PDPK1: variants seen among roughly 807,000 people sequenced by gnomAD.
The protein encoded by PDPK1 is 3-phosphoinositide-dependent protein kinase 1.
PDPK1 carries 7 observed loss-of-function variants against 39.8 expected under a neutral mutation model. The ratio of observed to expected loss-of-function variants is 0.18; its 90% CI spans 0.10 to 0.33. The LOEUF (loss-of-function observed/expected upper bound fraction) is 0.33. PDPK1 is among the 10% of genes least tolerant of loss of function. The probability of loss-of-function intolerance (pLI) is 1.00; values close to 1 mark genes in which losing one functional copy is unlikely to be tolerated. For missense variants in PDPK1, 182 were observed against 384.7 expected, an observed-to-expected ratio of 0.47 and a Z score of 4.41; for synonymous variants, 118 against 159.1, an observed-to-expected ratio of 0.74 and a Z score of 1.95.
Position 2,601,327 on chromosome 16 carries a change from C to G in PDPK1, c.*3560C>G, listed in dbSNP as rs1056884547. 3 of 234,466 alleles carry G rather than the reference C, an allele frequency of 1.3e-5. No homozygotes were observed. The highest frequency in any genetic ancestry group is 6.6e-5 in the African/African-American group (3 of 45,318). The allele number at this position is 234,466 out of a possible 1,614,324, so 14.5% of individuals were successfully genotyped here. A position where few individuals can be genotyped will look rare whatever the true frequency, so the allele number is the denominator to read the frequency against. On this transcript the variant is annotated 3_prime_UTR_variant, in exon 14 of 14. Transcript: ENST00000342085. ...AATAAGACCGCTCTTTATTTAAATG[C>G]TAAGAGGATGTCACTACTGCAATCC...
Position 2,602,665 on chromosome 16 carries a change from C to G in PDPK1, c.*4898C>G, listed in dbSNP as rs2067241299. ...TTTAGAGCTGCTGTAGCTGTTCCTT[C>G]ACAACATAAAATAGGATAAATGACT... On this transcript the variant is annotated 3_prime_UTR_variant, in exon 14 of 14. Coordinates refer to ENST00000342085, the MANE Select transcript of PDPK1 (RefSeq NM_002613.5). The G allele has an allele frequency of 4.3e-6, 1 of 234,662 alleles. No homozygotes were observed. Among genetic ancestry groups the G allele is most frequent in the African/African-American group, 2.2e-5 (1 of 45,320 alleles). 14.5% of individuals were successfully genotyped at this position (234,662 alleles called of 1,614,324 possible).
chr16:2,599,465 G>A lies in PDPK1; in HGVS notation c.*1698G>A. On this transcript the variant is annotated 3_prime_UTR_variant, in exon 14 of 14. Transcript: ENST00000342085. ...AGATGTTCCCCAGGCCCTGCCTGTG[G>A]TTCCTGCCTGGGCCTTGGCTGCTGC... The A allele has an allele frequency of 4.3e-6, 1 of 233,256 alleles. No homozygotes were observed. The highest frequency in any genetic ancestry group is 8.5e-6 in the Non-Finnish European group (1 of 118,020). 14.4% of individuals were successfully genotyped at this position (233,256 alleles called of 1,614,324 possible).
At chr16:2,585,720 C>G (rs982744561) in intron 10 of PDPK1, among the ~76,000 whole-genome samples, 3 of 152,228 alleles carry the variant, frequency 2.0e-5, no homozygotes, top group African/African-American at 7.2e-5. Flanking sequence ...TGGCGAGCAC[C>G]TTGCTCCAGC....
chr16:2,588,562 G>T (rs1567165945), intron 11 of PDPK1, among the ~76,000 whole-genome samples: 1 of 152,206 alleles, frequency 6.6e-6, no homozygotes, highest in Non-Finnish European at 1.5e-5. Context: ...GGGCCTTGGG[G>T]TCCGTCTGGG....
At position 2,599,325 on chromosome 16, in the gene PDPK1, C is replaced by A; in HGVS notation, c.*1558C>A. The A allele has an allele frequency of 4.3e-6, 1 of 233,284 alleles. No homozygotes were observed. The highest frequency in any genetic ancestry group is 8.5e-6 in the Non-Finnish European group (1 of 118,030). 14.5% of individuals were successfully genotyped at this position (233,284 alleles called of 1,614,324 possible). A position where few individuals can be genotyped will look rare whatever the true frequency, so the allele number is the denominator to read the frequency against. On this transcript the variant is annotated 3_prime_UTR_variant, in exon 14 of 14. Coordinates refer to ENST00000342085, the MANE Select transcript of PDPK1 (RefSeq NM_002613.5). The stretch of plus-strand genomic sequence containing the variant: ...CAAGTCACAGGTGACTCAGCAGTGA[C>A]CCTGTGTGCCAGGCCAGATCCAAAC...
rs2067211647 is a variant in PDPK1, at chr16:2,601,365, T to A, written c.*3598T>A. 2 of 234,526 alleles carry A rather than the reference T, an allele frequency of 8.5e-6. No individual in the cohort carries two copies. The highest frequency in any genetic ancestry group is 1.7e-5 in the Non-Finnish European group (2 of 117,938). 14.5% of individuals were successfully genotyped at this position (234,526 alleles called of 1,614,324 possible). A position where few individuals can be genotyped will look rare whatever the true frequency, so the allele number is the denominator to read the frequency against. On this transcript the variant is annotated 3_prime_UTR_variant, in exon 14 of 14. Coordinates refer to ENST00000342085, the MANE Select transcript of PDPK1 (RefSeq NM_002613.5). ...ACTACTGCAATCCATCTGTGGCCGA[T>A]TTTTTCCAAGAGCCAATTTCCTTGT...
chr16:2,597,368 G>C lies in PDPK1; in HGVS notation c.1554+93G>C. 1 of 1,178,856 alleles carries C rather than the reference G, an allele frequency of 8.5e-7. No individual in the cohort carries two copies. Among genetic ancestry groups the C allele is most frequent in the Non-Finnish European group, 1.2e-6 (1 of 825,094 alleles). 73.0% of individuals were successfully genotyped at this position (1,178,856 alleles called of 1,614,324 possible). ...CCACAGGCCTTGGCCAGAGGGAGCA[G>C]CGGGGATCGGGGCAGCTGCCTCGCC... On this transcript the variant is annotated intron_variant, in intron 13 of 13. Coordinates refer to ENST00000342085, the MANE Select transcript of PDPK1 (RefSeq NM_002613.5). The surrounding 1 kb of genome is among the most constrained non-coding windows in gnomAD (Gnocchi z 6.3).
At chr16:2,586,133 T>G (rs953193544) in intron 10 of PDPK1, among the ~76,000 whole-genome samples, 2 of 152,212 alleles carry the variant, frequency 1.3e-5, no homozygotes, top group African/African-American at 4.8e-5. Context: ...CTACAGTAAG[T>G]TTAGTTTATC....
rs1432017477 is a variant in PDPK1 at position 2,543,974 on chromosome 16, A to C, written c.24+5838A>C. 2.7e-5 allele frequency among the ~76,000 whole-genome samples: 4 copies of C among 148,158 alleles called. 1 individual carries two copies. In the South Asian group the frequency reaches 8.5e-4, roughly 31 times the overall value. Reference sequence around the variant, plus strand: ...GGTCTCGAGCTCCTGACCTCAGGTGATCCGCCCACCTCGGCCCCCCAAAGT... The same window carrying C: ...GGTCTCGAGCTCCTGACCTCAGGTGCTCCGCCCACCTCGGCCCCCCAAAGT... On this transcript the variant is annotated intron_variant, in intron 1 of 13. Transcript: ENST00000342085.
chr16:2,546,374 C>G (rs1174522872), intron 1 of PDPK1, among the ~76,000 whole-genome samples: 1 of 151,942 alleles, frequency 6.6e-6, no homozygotes, highest in East Asian at 1.9e-4. Flanking sequence ...CGCTCTGTCG[C>G]CCAGTCTGGA....
chr16:2,586,580 C>A, intron 10 of PDPK1, 96 bp from the exon 11 acceptor site: 1 of 1,083,922 alleles, frequency 9.2e-7, no homozygotes. Flanking sequence ...TGTGCGAGCT[C>A]CCAAGGCCTG....
chr16:2,541,372 G>A (rs1034451355), intron 1 of PDPK1, among the ~76,000 whole-genome samples: 1 of 152,144 alleles, frequency 6.6e-6, no homozygotes, highest in African/African-American at 2.4e-5. Flanking sequence ...AGTCTGGCAA[G>A]CAGGTGATGA....
chr16:2,595,533 G>C (rs921969474), intron 11 of PDPK1, among the ~76,000 whole-genome samples: 2 of 152,216 alleles, frequency 1.3e-5, no homozygotes. Flanking sequence ...CCGCTGTGTG[G>C]ATGTCACTGG....
intron 11 of PDPK1, among the ~76,000 whole-genome samples, chr16:2,590,117 C>T (rs1248684507): frequency 3.3e-5 from 5 of 152,104 alleles, no homozygotes; most frequent in African/African-American, 4.8e-5. Flanking sequence ...CTTCTCATCA[C>T]GGATGATGTT....
At position 2,538,771 on chromosome 16, in the gene PDPK1, G is replaced by A. The variant is rs187474021; in HGVS notation, c.24+635G>A. On this transcript the variant is annotated intron_variant, in intron 1 of 13. Coordinates refer to ENST00000342085, the MANE Select transcript of PDPK1 (RefSeq NM_002613.5). ...CACCGAGGGGAAAGTGAGCTTGACAGGTAGGAGGGATTTTAGGGGAAGGAC... is the reference window on the plus strand; with the variant it reads ...CACCGAGGGGAAAGTGAGCTTGACAAGTAGGAGGGATTTTAGGGGAAGGAC... The A allele has an allele frequency of 7.3e-4, 930 of 1,280,826 alleles. 1 individual carries two copies. Among genetic ancestry groups the A allele is most frequent in the Non-Finnish European group, 9.1e-4 (898 of 983,030 alleles). 79.3% of individuals were successfully genotyped at this position (1,280,826 alleles called of 1,614,324 possible). A position where few individuals can be genotyped will look rare whatever the true frequency, so the allele number is the denominator to read the frequency against.
chr16:2,597,950 A>G lies in PDPK1; in HGVS notation c.*183A>G. ...AAAACACCCAACCACACAAAGAACAAAACCAGTAACAAACACAAAGGAATT... is the reference window on the plus strand; with the variant it reads ...AAAACACCCAACCACACAAAGAACAGAACCAGTAACAAACACAAAGGAATT... On this transcript the variant is annotated 3_prime_UTR_variant, in exon 14 of 14. Coordinates refer to ENST00000342085, the MANE Select transcript of PDPK1 (RefSeq NM_002613.5). The surrounding 1 kb of genome is among the most constrained non-coding windows in gnomAD (Gnocchi z 6.3). 1.7e-6 allele frequency: 1 copy of G among 586,254 alleles called. No individual in the cohort carries two copies. The highest frequency in any genetic ancestry group is 3.0e-6 in the Non-Finnish European group (1 of 329,778). The allele number at this position is 586,254 out of a possible 1,614,324, so 36.3% of individuals were successfully genotyped here. A position where few individuals can be genotyped will look rare whatever the true frequency, so the allele number is the denominator to read the frequency against.
At chr16:2,594,733 C>T (rs1229698195) in intron 11 of PDPK1, among the ~76,000 whole-genome samples, 3 of 152,142 alleles carry the variant, frequency 2.0e-5, no homozygotes, top group Admixed American at 6.5e-5. Context: ...GTAATCCCAG[C>T]CCTTTGGGAG....
chr16:2,599,874 G>A lies in PDPK1; in HGVS notation c.*2107G>A, dbSNP rs2067181436. Reference sequence around the variant, plus strand: ...GGGCTGCTTGGGGAGACTCTTCCGTGCGTTCTTCCTCTGGATAGAACCACC... The same window carrying A: ...GGGCTGCTTGGGGAGACTCTTCCGTACGTTCTTCCTCTGGATAGAACCACC... On this transcript the variant is annotated 3_prime_UTR_variant, in exon 14 of 14. Transcript: ENST00000342085. The A allele has an allele frequency of 8.6e-6, 2 of 233,644 alleles. No individual in the cohort carries two copies. The highest frequency in any genetic ancestry group is 1.2e-3 in the Middle Eastern group (1 of 808). The allele number at this position is 233,644 out of a possible 1,614,324, so 14.5% of individuals were successfully genotyped here.
At chr16:2,576,746 G>A (rs2066717444) in intron 6 of PDPK1, 2 of 163,238 alleles carry the variant, frequency 1.2e-5, no homozygotes. Flanking sequence ...TGGGACTGCA[G>A]GGGTGAGCCA....
Sources: allele counts gnomAD v4.1 joint callset (sites outside exome capture counted in the v4.1 genomes callset), GRCh38; gene constraint gnomAD v4.1.1; non-coding constraint Gnocchi (gnomAD v3.1); transcripts MANE v1.5; gene names NCBI Gene and HGNC (gene_info 2026-07-23, HGNC 2026-07-21).